TRMT11: variants seen among roughly 807,000 people sequenced by gnomAD.
The protein encoded by TRMT11 is tRNA methyltransferase 11.
In TRMT11, 53 loss-of-function variants were observed where a neutral mutation model predicts 62.8. That is an observed-to-expected ratio of 0.84 (90% CI 0.68 to 1.06). The LOEUF (loss-of-function observed/expected upper bound fraction) is 1.06. TRMT11 is among the 50% of genes least tolerant of loss of function. The pLI is 0.00. For missense variants in TRMT11, 556 were observed against 553.4 expected, an observed-to-expected ratio of 1.00 and a Z score of -0.05; for synonymous variants, 188 against 190.3, an observed-to-expected ratio of 0.99 and a Z score of 0.10.
At chr6:125,998,163 G>A (rs374321355) in intron 4 of TRMT11, 29 bp downstream of exon 4, 127 of 1,595,530 alleles carry the variant, frequency 8.0e-5, no homozygotes, top group African/African-American at 7.0e-4. Context: ...TTTTATATAG[G>A]CATGCGTGCA....
In TRMT11 at chr6:126,008,557, C is replaced by G. The variant is rs1159008149; in HGVS notation, c.760+85C>G. ...ACATACAGTTGACCCTGGAAGAACACAAGTTTGAATTGCACAGGTCCACTT... is the reference window on the plus strand; with the variant it reads ...ACATACAGTTGACCCTGGAAGAACAGAAGTTTGAATTGCACAGGTCCACTT... On this transcript the variant is annotated intron_variant, in intron 8 of 12. Transcript: ENST00000334379. 5.8e-6 allele frequency: 7 copies of G among 1,202,352 alleles called. No individual in the cohort carries two copies. In the African/African-American group the frequency reaches 1.0e-4, roughly 18 times the overall value. The allele number at this position is 1,202,352 out of a possible 1,614,324, so 74.5% of individuals were successfully genotyped here.
intron 7 of TRMT11, chr6:126,006,892 T>G (rs1264160028): frequency 6.6e-6 from 1 of 152,008 alleles, no homozygotes; most frequent in Non-Finnish European, 1.5e-5. Context: ...ACCAAATGGA[T>G]AAGGTTCTGT....
At chr6:126,073,472 A>G (rs537047401) in intron 17 of TRMT11, among the ~76,000 whole-genome samples, 2 of 152,058 alleles carry the variant, frequency 1.3e-5, no homozygotes, top group Non-Finnish European at 2.9e-5. Flanking sequence ...TTTTAACTTA[A>G]TGGAGTCCGT....
chr6:126,183,931 T>C (rs1394043818), intron 1 of TRMT11, among the ~76,000 whole-genome samples: 1 of 152,174 alleles, frequency 6.6e-6, no homozygotes, highest in Non-Finnish European at 1.5e-5. Flanking sequence ...GTTGTTAGAC[T>C]AATCATGAAG....
rs563563862 is a variant in TRMT11, at chr6:126,196,225, AG to A, written n.144-2573del. Among the ~76,000 whole-genome samples the A allele has an allele frequency of 3.0e-3, 460 of 152,338 alleles. 2 individuals carry two copies. The highest frequency in any genetic ancestry group is 5.0e-3 in the Non-Finnish European group (338 of 68,030). ...AATTTCCAGATCCTCAACTTCTACA[AG>A]TACTCTGTACTAAAATTGATTGACC... On this transcript the variant is annotated intron_variant and non_coding_transcript_variant, in intron 1 of 3. Transcript: ENST00000444229.
At chr6:126,241,061 C>T in the TRMT11 span, among the ~76,000 whole-genome samples, 6 of 152,322 alleles carry the variant, frequency 3.9e-5, no homozygotes, top group South Asian at 2.1e-4. Flanking sequence ...ATTGGAAAAG[C>T]GCAGTATTAG....
chr6:126,044,638 T>C (rs776538069), intron 16 of TRMT11, among the ~76,000 whole-genome samples: 2 of 152,188 alleles, frequency 1.3e-5, no homozygotes, highest in Non-Finnish European at 2.9e-5. Flanking sequence ...TTGGAAGATA[T>C]AGAGTCTTTC....
intron 21 of TRMT11, among the ~76,000 whole-genome samples, chr6:126,167,810 C>G (rs1047666334): frequency 2.0e-5 from 3 of 152,174 alleles, no homozygotes; most frequent in Admixed American, 1.3e-4. Context: ...CTTTTTCCAC[C>G]TCGGACATAT....
chr6:126,172,483 A>T (rs2128236769), upstream of TRMT11, among the ~76,000 whole-genome samples: 1 of 152,226 alleles, frequency 6.6e-6, no homozygotes, highest in African/African-American at 2.4e-5. Context: ...TAGTTATGTG[A>T]TTTTTACCTC....
intron 17 of TRMT11, among the ~76,000 whole-genome samples, chr6:126,071,050 G>A (rs1359329396): frequency 6.6e-6 from 1 of 152,178 alleles, no homozygotes; most frequent in Non-Finnish European, 1.5e-5. Context: ...TGTGGAAGAA[G>A]GGAGCAAGTG....
intron 17 of TRMT11, among the ~76,000 whole-genome samples, chr6:126,099,355 G>A (rs1052743584): frequency 6.6e-6 from 1 of 152,162 alleles, no homozygotes; most frequent in African/African-American, 2.4e-5. Flanking sequence ...GTATTAAAAT[G>A]AAAATAAATT....
intron 1 of TRMT11, among the ~76,000 whole-genome samples, chr6:126,185,228 A>G (rs910815494): frequency 2.6e-5 from 4 of 152,160 alleles, no homozygotes; most frequent in Admixed American, 1.3e-4. Context: ...TAAGTGAAGG[A>G]TAGAGTCAGT....
At position 125,992,412 on chromosome 6, in the gene TRMT11, A is replaced by G. The variant is rs574977537; in HGVS notation, c.73-1345A>G. Among the ~76,000 whole-genome samples the G allele has an allele frequency of 5.3e-5, 8 of 152,374 alleles. No individual in the cohort carries two copies. The South Asian group carries it at 1.0e-3, about 20-fold the overall frequency. On this transcript the variant is annotated intron_variant, in intron 1 of 12. Coordinates refer to ENST00000334379, the MANE Select transcript of TRMT11 (RefSeq NM_001031712.3). ...ATGCTTTAATATAGAACAAACAACA[A>G]TCATGCAAGATGAAGTAATTTAATC... is the stretch of plus-strand genomic sequence containing the variant.
At chr6:126,005,727 ATTGAAATATAAAATTATAAATG>A (rs952318741) in intron 7 of TRMT11, among the ~76,000 whole-genome samples, 1 of 151,978 alleles carries the variant, frequency 6.6e-6, no homozygotes, top group Non-Finnish European at 1.5e-5. Flanking sequence ...AGGCAAGGGA[ATTGAAATATAAAATTATAAATG>A]TCAAATTCTT....
chr6:126,091,419 T>A (rs2128167713), intron 17 of TRMT11, among the ~76,000 whole-genome samples: 1 of 152,290 alleles, frequency 6.6e-6, no homozygotes, highest in Non-Finnish European at 1.5e-5. Context: ...CCAATCCAGC[T>A]GTTTCTGTAC....
intron 17 of TRMT11, among the ~76,000 whole-genome samples, chr6:126,093,642 G>T (rs1777308012): frequency 1.3e-5 from 1 of 78,720 alleles, no homozygotes; most frequent in Non-Finnish European, 2.4e-5. Flanking sequence ...TTTTCCCCCA[G>T]TCCTGGAGGA....
chr6:126,067,274 G>A (rs543078837), intron 17 of TRMT11, among the ~76,000 whole-genome samples: 7 of 151,304 alleles, frequency 4.6e-5, no homozygotes, highest in Non-Finnish European at 7.4e-5. Context: ...TTGTCACAAA[G>A]TTAACCTCAT....
chr6:126,095,372 G>C (rs1777328841), intron 17 of TRMT11, among the ~76,000 whole-genome samples: 1 of 152,212 alleles, frequency 6.6e-6, no homozygotes, highest in East Asian at 1.9e-4. Context: ...GGTTTTAAAT[G>C]TAGTCTAAGG....
chr6:126,187,995 C>G (rs1467406176), intron 1 of TRMT11, among the ~76,000 whole-genome samples: 1 of 151,496 alleles, frequency 6.6e-6, no homozygotes, highest in Non-Finnish European at 1.5e-5. Context: ...ACAATAAAAG[C>G]TAGAACCATA....
Sources: gnomAD v4.1 joint callset for allele counts (sites outside exome capture counted in the v4.1 genomes callset) on GRCh38, gnomAD v4.1.1 for gene constraint, MANE v1.5 for transcripts, NCBI Gene and HGNC (gene_info 2026-07-23, HGNC 2026-07-21) for gene names.